Variants in ROBO2 observed in about 807,000 individuals in gnomAD.
The protein encoded by ROBO2 is roundabout homolog 2.
In ROBO2, 53 loss-of-function variants were observed where a neutral mutation model predicts 160.8. The observed-to-expected ratio is 0.33, with a 90% confidence interval of 0.26 to 0.41. The LOEUF is 0.41. Ranked by LOEUF, ROBO2 falls within the 10% of genes least tolerant of loss-of-function variation. The pLI, the probability that ROBO2 is intolerant of heterozygous loss-of-function variation, is 1.00. For missense variants in ROBO2, 1,577 were observed against 1,722.4 expected, an observed-to-expected ratio of 0.92 and a Z score of 1.49; for synonymous variants, 664 against 611.7, an observed-to-expected ratio of 1.09 and a Z score of -1.26.
rs2065904447 is a variant in ROBO2 at position 77,057,783 on chromosome 3, A to G, written c.61+16937A>G. Among the ~76,000 whole-genome samples, 5 of 151,844 alleles carry G rather than the reference A, an allele frequency of 3.3e-5. No homozygotes were observed. The South Asian group carries it at 1.0e-3, about 32-fold the overall frequency. On this transcript the variant is annotated intron_variant, in intron 1 of 25. Transcript: ENST00000461745. ...ACGGGGTTTTACCATGTTGACCAGG[A>G]TGGTCTCGATCTCCTGACCTCGTGA...
At position 77,291,734 on chromosome 3, in the gene ROBO2, G is replaced by A. The variant is rs566610976; in HGVS notation, c.389-185680G>A. 1.5e-3 allele frequency among the ~76,000 whole-genome samples: 228 copies of A among 152,070 alleles called. 3 individuals are homozygous for A. Among genetic ancestry groups the A allele is most frequent in the African/African-American group, 5.1e-3 (213 of 41,454 alleles). On this transcript the variant is annotated intron_variant, in intron 2 of 25. Transcript: ENST00000461745. ...CATAAAGTAAAATTGACAGTTAAAC[G>A]GGTAAGCTGAGGCTAGATCACCCAG...
intron 2 of ROBO2, among the ~76,000 whole-genome samples, chr3:76,686,618 T>G (rs984194736): frequency 6.6e-6 from 1 of 152,070 alleles, no homozygotes; most frequent in Non-Finnish European, 1.5e-5. Context: ...ATCATATTAG[T>G]GTTTGAATAC....
intron 2 of ROBO2, among the ~76,000 whole-genome samples, chr3:76,727,363 CCCTGATT>C (rs2093568510): frequency 6.6e-6 from 1 of 152,022 alleles, no homozygotes; most frequent in African/African-American, 2.4e-5. Flanking sequence ...ATTTAAAAAG[CCCTGATT>C]CCTGATTTGT....
chr3:76,793,825 T>C (rs2063519222), intron 2 of ROBO2, among the ~76,000 whole-genome samples: 1 of 151,940 alleles, frequency 6.6e-6, no homozygotes, highest in African/African-American at 2.4e-5. Flanking sequence ...CTTTTACTCT[T>C]ACAAATTCAC....
intron 2 of ROBO2, among the ~76,000 whole-genome samples, chr3:76,367,890 TAC>T (rs2075905799): frequency 6.6e-6 from 1 of 151,580 alleles, no homozygotes; most frequent in South Asian, 2.1e-4. Flanking sequence ...TATTTATCAA[TAC>T]ACAGTGATAT....
intron 2 of ROBO2, among the ~76,000 whole-genome samples, chr3:76,875,569 C>T (rs542517128): frequency 6.0e-4 from 92 of 152,266 alleles, no homozygotes; most frequent in African/African-American, 2.1e-3. Flanking sequence ...CCTTTTCCAG[C>T]CTCCAGAGGT....
At chr3:76,069,526 T>G (rs1309507684) in intron 2 of ROBO2, among the ~76,000 whole-genome samples, 1 of 8,026 alleles carries the variant, frequency 1.2e-4, no homozygotes, top group Non-Finnish European at 2.3e-4. Context: ...TTATTGCTAG[T>G]TTTTTTTTTT....
At chr3:77,459,762 A>G (rs2082045239) in intron 2 of ROBO2, among the ~76,000 whole-genome samples, 1 of 152,104 alleles carries the variant, frequency 6.6e-6, no homozygotes, top group Non-Finnish European at 1.5e-5. Context: ...GGCCAACTAA[A>G]TAATGTAGAA....
chr3:76,691,798 G>T (rs2092808396), intron 2 of ROBO2, among the ~76,000 whole-genome samples: 1 of 152,148 alleles, frequency 6.6e-6, no homozygotes, highest in Admixed American at 6.6e-5. Context: ...ACCTGAAAAT[G>T]ATGAGGCAAC....
chr3:76,657,780 GTATA>G (rs979546026), intron 2 of ROBO2, among the ~76,000 whole-genome samples: 3 of 146,408 alleles, frequency 2.0e-5, no homozygotes, highest in Admixed American at 6.9e-5. Flanking sequence ...ATAGGTATGT[GTATA>G]TATATGTTCA....
At chr3:77,059,109 T>C (rs2066038219) in intron 1 of ROBO2, among the ~76,000 whole-genome samples, 1 of 152,182 alleles carries the variant, frequency 6.6e-6, no homozygotes, top group Non-Finnish European at 1.5e-5. Context: ...ATAAAATCTA[T>C]GAAATTTAGA....
intron 2 of ROBO2, among the ~76,000 whole-genome samples, chr3:76,257,049 G>A (rs1706440259): frequency 6.6e-6 from 1 of 151,782 alleles, no homozygotes; most frequent in Admixed American, 6.6e-5. Flanking sequence ...CCTCGGCCCA[G>A]CCCCCACCTC....
chr3:77,429,304 C>A (rs1156985295), intron 2 of ROBO2, among the ~76,000 whole-genome samples: 1 of 152,092 alleles, frequency 6.6e-6, no homozygotes, highest in Non-Finnish European at 1.5e-5. Context: ...TAAGTGCACC[C>A]GACTTGCTTT....
intron 2 of ROBO2, among the ~76,000 whole-genome samples, chr3:76,037,025 T>C (rs1380749198): frequency 6.6e-6 from 1 of 152,014 alleles, no homozygotes; most frequent in Non-Finnish European, 1.5e-5. Flanking sequence ...TGTCTTCTGA[T>C]TTCGACTCCC....
At chr3:75,977,296 A>T (rs2065158363) in intron 2 of ROBO2, among the ~76,000 whole-genome samples, 1 of 151,522 alleles carries the variant, frequency 6.6e-6, no homozygotes, top group African/African-American at 2.4e-5. Flanking sequence ...CCAAACACAT[A>T]GCTAAAAAGT....
intron 2 of ROBO2, among the ~76,000 whole-genome samples, chr3:76,447,886 C>A (rs2077275397): frequency 9.9e-6 from 1 of 101,434 alleles, no homozygotes; most frequent in Non-Finnish European, 1.8e-5. Context: ...ACAGCGGGGC[C>A]TGTTGTGGGG....
At chr3:77,558,696 G>A (rs146438139) in intron 9 of ROBO2, among the ~76,000 whole-genome samples, 126 of 152,106 alleles carry the variant, frequency 8.3e-4, no homozygotes, top group Middle Eastern at 3.4e-3. Flanking sequence ...TTTTACTGAC[G>A]TTTACATGAT....
At chr3:76,453,370 G>T (rs556563370) in intron 2 of ROBO2, among the ~76,000 whole-genome samples, 41 of 152,280 alleles carry the variant, frequency 2.7e-4, no homozygotes, top group Non-Finnish European at 5.1e-4. Flanking sequence ...GTAAGGAAGC[G>T]ATCCAGTTTC....
At chr3:76,355,757 A>G (rs2075124724) in intron 2 of ROBO2, among the ~76,000 whole-genome samples, 1 of 151,814 alleles carries the variant, frequency 6.6e-6, no homozygotes, top group Non-Finnish European at 1.5e-5. Context: ...TCATTAGGTA[A>G]TATTTAGATG....
Sources: gnomAD v4.1 joint callset for allele counts (sites outside exome capture counted in the v4.1 genomes callset) on GRCh38, gnomAD v4.1.1 for gene constraint, MANE v1.5 for transcripts, NCBI Gene and HGNC (gene_info 2026-07-23, HGNC 2026-07-21) for gene names.